MCC: variants seen among roughly 807,000 people sequenced by gnomAD.
MCC encodes colorectal mutant cancer protein.
Under a neutral mutation model 116.2 loss-of-function variants are expected in MCC, and 90 were observed. The ratio of observed to expected loss-of-function variants is 0.77; its 90% CI spans 0.65 to 0.92. The LOEUF (loss-of-function observed/expected upper bound fraction) is 0.92, where lower values mean the gene tolerates loss of function less well. Among genes scored for constraint, MCC ranks in the 40% least tolerant of loss-of-function variants. The pLI is 0.00. For missense variants in MCC, 1,516 were observed against 1,312.2 expected (o/e 1.16, Z -2.40); for synonymous variants, 578 against 510.5 (o/e 1.13, Z -1.78).
chr5:113,064,069 G>C lies in MCC; in HGVS notation c.2128C>G (p.Leu710Val), dbSNP rs1409704487. 1.1e-5 allele frequency: 17 copies of C among 1,614,232 alleles called. No homozygotes were observed. The highest frequency in any genetic ancestry group is 1.4e-5 in the Non-Finnish European group (16 of 1,180,044). Residue 710 changes from leucine to valine, a missense_variant, in exon 14 of 19, where the codon CTG becomes GTG. Transcript: ENST00000408903. ...AAGGCTCCCCCACAGCTGCCGTCCA[G>C]CTTCATGAGCAGGGCCTTGGCAGCG... is the stretch of plus-strand genomic sequence containing the variant. ...ENAAKALLMK[L>V]DGSCGGAFAV...
intron 3 of MCC, among the ~76,000 whole-genome samples, chr5:113,269,708 A>G (rs1004476029): frequency 6.6e-6 from 1 of 152,330 alleles, no homozygotes. Context: ...GGCCTAATTT[A>G]CCTAGTTCAG....
chr5:113,346,543 C>T (rs915932810), intron 2 of MCC, among the ~76,000 whole-genome samples: 8 of 151,730 alleles, frequency 5.3e-5, no homozygotes, highest in East Asian at 3.9e-4. Context: ...GAAGTCGCAG[C>T]GAGCCAAGAT....
intron 3 of MCC, among the ~76,000 whole-genome samples, chr5:113,309,966 C>A (rs1033129764): frequency 1.3e-5 from 2 of 148,286 alleles, no homozygotes; most frequent in Non-Finnish European, 3.0e-5. Flanking sequence ...TGTTTCATAC[C>A]ATTATCAATA....
intron 6 of MCC, among the ~76,000 whole-genome samples, chr5:113,119,411 A>AGG (rs544179748): frequency 9.3e-4 from 142 of 152,272 alleles, no homozygotes; most frequent in African/African-American, 3.3e-3. Flanking sequence ...CCGAGGAAGG[A>AGG]GGGCTCCAGG....
intron 15 of MCC, among the ~76,000 whole-genome samples, chr5:113,053,118 CA>C (rs1273723479): frequency 6.6e-6 from 1 of 152,164 alleles, no homozygotes; most frequent in African/African-American, 2.4e-5. Context: ...CAGTAGGGGA[CA>C]CCAGCTTTCC....
At position 113,027,194 on chromosome 5, in the gene MCC, C is replaced by A. The variant is rs544667413; in HGVS notation, c.*108G>T. ...CATTGTCCAAGTGCCGACCTACCTG[C>A]CAGCCTTCCCTTTCCTCCTCCTCCC... On this transcript the variant is annotated 3_prime_UTR_variant, in exon 19 of 19. Coordinates refer to ENST00000408903, the MANE Select transcript of MCC (RefSeq NM_001085377.2). 2.5e-6 allele frequency: 3 copies of A among 1,219,236 alleles called. No homozygotes were observed. In the African/African-American group the frequency reaches 4.6e-5, roughly 19 times the overall value. 75.5% of individuals were successfully genotyped at this position (1,219,236 alleles called of 1,614,324 possible).
chr5:113,375,638 T>A (rs1345751369), intron 2 of MCC, among the ~76,000 whole-genome samples: 1 of 152,142 alleles, frequency 6.6e-6, no homozygotes, highest in African/African-American at 2.4e-5. Flanking sequence ...ATATCCACAC[T>A]TAGTCCATGT....
intron 7 of MCC, among the ~76,000 whole-genome samples, 181 bp from the exon 8 acceptor site, chr5:113,102,126 GCT>G (rs33920242): frequency 0.072 from 10,975 of 152,218 alleles, 898 homozygotes; most frequent in African/African-American, 0.21. Context: ...TTCAGATGAG[GCT>G]CTGTCACTTG....
intron 3 of MCC, among the ~76,000 whole-genome samples, chr5:113,185,095 C>G (rs1017485755): frequency 7.2e-5 from 11 of 152,252 alleles, no homozygotes; most frequent in African/African-American, 2.6e-4. Context: ...CACGTGGAGA[C>G]AGCCTCTGCA....
intron 3 of MCC, among the ~76,000 whole-genome samples, chr5:113,307,793 A>T (rs1767024259): frequency 6.6e-6 from 1 of 151,942 alleles, no homozygotes; most frequent in Non-Finnish European, 1.5e-5. Context: ...TTTTTTGTAG[A>T]TTCCCCTTTT....
chr5:113,453,903 G>A (rs1392028297), intron 1 of MCC, among the ~76,000 whole-genome samples: 2 of 152,182 alleles, frequency 1.3e-5, no homozygotes, highest in Non-Finnish European at 2.9e-5. Flanking sequence ...CTGAGGTTGG[G>A]AGTTCGAGAC....
At chr5:113,292,839 T>C (rs1015546969) in intron 3 of MCC, among the ~76,000 whole-genome samples, 4 of 152,186 alleles carry the variant, frequency 2.6e-5, no homozygotes, top group Non-Finnish European at 5.9e-5. Context: ...TCAATGACCT[T>C]AGAAGATCAC....
rs58372049 is a variant in MCC, at chr5:113,299,292, C to CAAAAAAAAAAAAAAAAA, written c.627+41210_627+41226dup. Among the ~76,000 whole-genome samples the CAAAAAAAAAAAAAAAAA allele has an allele frequency of 1.3e-4, 7 of 52,078 alleles. 1 individual carries two copies. Among genetic ancestry groups the CAAAAAAAAAAAAAAAAA allele is most frequent in the Non-Finnish European group, 2.7e-4 (7 of 25,588 alleles). The allele number at this position is 52,078 out of a possible 152,430, so 34.2% of individuals were successfully genotyped here. A position where few individuals can be genotyped will look rare whatever the true frequency, so the allele number is the denominator to read the frequency against. On this transcript the variant is annotated intron_variant, in intron 3 of 18. Coordinates refer to ENST00000408903, the MANE Select transcript of MCC (RefSeq NM_001085377.2). ...TGGGCAACAGAGTGAGACTCCGTCTCAAAAAAAAAAAAAAAAAAAAAAAAA... is the reference window on the plus strand; with the variant it reads ...TGGGCAACAGAGTGAGACTCCGTCTCAAAAAAAAAAAAAAAAAAAAAAAAAAAAAAAAAAAAAAAAAA...
chr5:113,088,106 A>G (rs1372382145), intron 8 of MCC, among the ~76,000 whole-genome samples: 1 of 152,192 alleles, frequency 6.6e-6, no homozygotes, highest in Non-Finnish European at 1.5e-5. Context: ...AAAACTAAAG[A>G]TGATAAACAT....
At chr5:113,370,757 T>C (rs771605260) in intron 2 of MCC, among the ~76,000 whole-genome samples, 3 of 152,236 alleles carry the variant, frequency 2.0e-5, no homozygotes, top group Non-Finnish European at 2.9e-5. Context: ...ATTGAACATA[T>C]ATGCATACAC....
intron 1 of MCC, among the ~76,000 whole-genome samples, chr5:113,479,644 T>G (rs1447744577): frequency 6.6e-6 from 1 of 152,118 alleles, no homozygotes; most frequent in Non-Finnish European, 1.5e-5. Context: ...CTGTAGGGTG[T>G]TTTTTTAATC....
chr5:113,176,703 T>C (rs1410399420), intron 3 of MCC, among the ~76,000 whole-genome samples: 1 of 152,146 alleles, frequency 6.6e-6, no homozygotes, highest in Non-Finnish European at 1.5e-5. Context: ...AATGAACAAA[T>C]ATGGGCCATG....
intron 2 of MCC, among the ~76,000 whole-genome samples, chr5:113,372,718 G>T (rs893984050): frequency 6.6e-6 from 1 of 152,052 alleles, no homozygotes; most frequent in South Asian, 2.1e-4. Flanking sequence ...CAGAGACTGG[G>T]TCTCGCTTTG....
At chr5:113,448,234 G>T (rs1025139734) in intron 1 of MCC, 5 of 152,206 alleles carry the variant, frequency 3.3e-5, no homozygotes. Flanking sequence ...CAGGCACCAT[G>T]AGTGGGGTCA....
Sources: allele counts gnomAD v4.1 joint callset (sites outside exome capture counted in the v4.1 genomes callset), GRCh38; gene constraint gnomAD v4.1.1; transcripts MANE v1.5; gene names NCBI Gene and HGNC (gene_info 2026-07-23, HGNC 2026-07-21).